The following ZRANB3 variants were observed in gnomAD, a reference collection of about 807,000 sequenced individuals.
ZRANB3 encodes the protein DNA annealing helicase and endonuclease ZRANB3.
In ZRANB3, 125 loss-of-function variants were observed where a neutral mutation model predicts 133.8. The observed-to-expected ratio is 0.93, with a 90% CI of 0.81 to 1.08. The LOEUF (loss-of-function observed/expected upper bound fraction) is 1.08. ZRANB3 is among the 50% of genes least tolerant of loss of function. The pLI is 0.00. For missense variants in ZRANB3, 1,229 were observed against 1,275.5 expected (o/e 0.96, Z 0.56); for synonymous variants, 387 against 432.7 (o/e 0.89, Z 1.31).
At chr2:135,390,613 C>T (rs992213410) in intron 3 of ZRANB3, among the ~76,000 whole-genome samples, 189 bp downstream of exon 3, 2 of 151,934 alleles carry the variant, frequency 1.3e-5, no homozygotes, top group Admixed American at 6.6e-5. Context: ...CTAGAAAACA[C>T]ACACACACAC....
intron 8 of ZRANB3, among the ~76,000 whole-genome samples, chr2:135,276,062 T>C (rs1021907367): frequency 6.6e-6 from 1 of 151,220 alleles, no homozygotes; most frequent in African/African-American, 2.4e-5. Context: ...CAAGAAGGAG[T>C]TGGCAGTTTT....
chr2:135,404,549 T>C (rs1687912175), intron 2 of ZRANB3, among the ~76,000 whole-genome samples: 1 of 152,200 alleles, frequency 6.6e-6, no homozygotes, highest in Non-Finnish European at 1.5e-5. Flanking sequence ...CCAGGAGAAC[T>C]TCCCCAAACT....
chr2:135,414,630 T>C (rs958532251), intron 2 of ZRANB3, among the ~76,000 whole-genome samples: 8 of 151,956 alleles, frequency 5.3e-5, no homozygotes, highest in Admixed American at 3.9e-4. Flanking sequence ...GAACTCTCCA[T>C]CCCAAATCAA....
chr2:135,403,341 G>C (rs1473303409), intron 2 of ZRANB3, among the ~76,000 whole-genome samples: 1 of 152,228 alleles, frequency 6.6e-6, no homozygotes, highest in African/African-American at 2.4e-5. Context: ...TCCGCCCACA[G>C]AGCCTCGCTC....
intron 5 of ZRANB3, among the ~76,000 whole-genome samples, chr2:135,347,108 C>T (rs1320458707): frequency 6.6e-6 from 1 of 152,176 alleles, no homozygotes; most frequent in Non-Finnish European, 1.5e-5. Flanking sequence ...TGTTGTAACA[C>T]ATATAGTATT....
intron 8 of ZRANB3, among the ~76,000 whole-genome samples, chr2:135,302,230 A>G (rs1682466655): frequency 3.3e-5 from 5 of 152,192 alleles, no homozygotes; most frequent in Admixed American, 3.3e-4. Flanking sequence ...AAGAATTCCA[A>G]TTTGGTCATA....
chr2:135,354,119 CA>C (rs1406403721), intron 3 of ZRANB3, among the ~76,000 whole-genome samples: 1 of 152,066 alleles, frequency 6.6e-6, no homozygotes, highest in Admixed American at 6.5e-5. Flanking sequence ...ATATTATGTT[CA>C]AACTATTCAT....
intron 3 of ZRANB3, among the ~76,000 whole-genome samples, chr2:135,373,585 C>T (rs892836979): frequency 7.9e-5 from 12 of 151,798 alleles, no homozygotes; most frequent in Non-Finnish European, 1.6e-4. Context: ...GCCAGGAGTT[C>T]GAGACAAGCC....
At chr2:135,474,846 G>C (rs1159101966) in intron 2 of ZRANB3, among the ~76,000 whole-genome samples, 1 of 152,116 alleles carries the variant, frequency 6.6e-6, no homozygotes, top group Admixed American at 6.5e-5. Context: ...GGTGTTCAAA[G>C]TTATTTCTTC....
chr2:135,355,073 G>A (rs114940556), intron 3 of ZRANB3, among the ~76,000 whole-genome samples: 1,571 of 152,228 alleles, frequency 0.01, 25 homozygotes, highest in African/African-American at 0.036. Flanking sequence ...TAAATGCTGA[G>A]CAAAACTAAA....
At chr2:135,422,435 T>A (rs952703686) in intron 2 of ZRANB3, among the ~76,000 whole-genome samples, 1 of 152,022 alleles carries the variant, frequency 6.6e-6, no homozygotes, top group African/African-American at 2.4e-5. Context: ...TTGAAAATAT[T>A]TTTACTTGGC....
intron 3 of ZRANB3, among the ~76,000 whole-genome samples, chr2:135,373,190 T>C (rs1686261616): frequency 6.6e-6 from 1 of 152,174 alleles, no homozygotes; most frequent in South Asian, 2.1e-4. Context: ...TAAAAATTCA[T>C]TCATTTGTTC....
At chr2:135,450,620 A>C (rs982635191) in intron 2 of ZRANB3, among the ~76,000 whole-genome samples, 6 of 152,206 alleles carry the variant, frequency 3.9e-5, no homozygotes, top group African/African-American at 1.2e-4. Context: ...CCTCTATCTA[A>C]ATCTGAAAAC....
chr2:135,368,802 G>A (rs761126093), intron 3 of ZRANB3, among the ~76,000 whole-genome samples: 4 of 151,534 alleles, frequency 2.6e-5, no homozygotes, highest in Non-Finnish European at 5.9e-5. Context: ...AAAAAAGACA[G>A]CTAACTCAAT....
At chr2:135,401,140 A>G (rs1687711679) in intron 2 of ZRANB3, among the ~76,000 whole-genome samples, 1 of 152,186 alleles carries the variant, frequency 6.6e-6, no homozygotes, top group African/African-American at 2.4e-5. Context: ...GACTTAGGGT[A>G]GTGTGGAATT....
At chr2:135,247,495 C>T (rs1459832929) in intron 12 of ZRANB3, among the ~76,000 whole-genome samples, 8 of 151,954 alleles carry the variant, frequency 5.3e-5, no homozygotes, top group Non-Finnish European at 1.0e-4. Context: ...AAATAAAACA[C>T]ATTTTGATTT....
chr2:135,395,626 T>C (rs1687455972), intron 2 of ZRANB3, among the ~76,000 whole-genome samples: 1 of 151,918 alleles, frequency 6.6e-6, no homozygotes, highest in African/African-American at 2.4e-5. Flanking sequence ...CCCGGCTAAT[T>C]TTTGTATTTC....
At chr2:135,477,731 G>C (rs1449475870) in intron 2 of ZRANB3, among the ~76,000 whole-genome samples, 2 of 152,168 alleles carry the variant, frequency 1.3e-5, no homozygotes, top group Non-Finnish European at 2.9e-5. Flanking sequence ...TGGTGGCTCA[G>C]GTAAGTAATC....
Position 135,275,515 on chromosome 2 carries a change from T to A in ZRANB3, c.1086+121A>T, listed in dbSNP as rs1573810420. On this transcript the variant is annotated intron_variant, in intron 9 of 20. Transcript: ENST00000264159. ...TATAATTTTCAAGAAAAATGTGTGATAATTTATATACCATCATCTAAAGAA... is the reference window on the plus strand; with the variant it reads ...TATAATTTTCAAGAAAAATGTGTGAAAATTTATATACCATCATCTAAAGAA... 6 of 689,646 alleles carry A rather than the reference T, an allele frequency of 8.7e-6. No homozygotes were observed. In the South Asian group the frequency reaches 3.3e-4, roughly 38 times the overall value. The allele number at this position is 689,646 out of a possible 1,614,324, so 42.7% of individuals were successfully genotyped here. A position where few individuals can be genotyped will look rare whatever the true frequency, so the allele number is the denominator to read the frequency against.
Sources: allele counts gnomAD v4.1 joint callset (sites outside exome capture counted in the v4.1 genomes callset), GRCh38; gene constraint gnomAD v4.1.1; transcripts MANE v1.5; gene names NCBI Gene and HGNC (gene_info 2026-07-23, HGNC 2026-07-21).